The following THSD7B variants were observed in gnomAD, a reference collection of about 807,000 sequenced individuals.
THSD7B encodes the protein thrombospondin type 1 domain containing 7B.
A neutral mutation model predicts 213.6 loss-of-function variants in THSD7B; 138 were observed. The observed-to-expected ratio is 0.65, with a 90% CI of 0.56 to 0.74. The LOEUF is 0.74. Ranked by LOEUF, THSD7B falls within the 30% of genes least tolerant of loss-of-function variation. THSD7B has a pLI of 0.00. For missense variants in THSD7B, 1,931 were observed against 1,991.5 expected, an observed-to-expected ratio of 0.97 and a Z score of 0.58; for synonymous variants, 742 against 687.0, an observed-to-expected ratio of 1.08 and a Z score of -1.25.
At chr2:136,950,607 C>T (rs575883637) in intron 2 of THSD7B, among the ~76,000 whole-genome samples, 11 of 152,070 alleles carry the variant, frequency 7.2e-5, no homozygotes, top group Admixed American at 4.6e-4. Flanking sequence ...GGTAAATTTA[C>T]GCTTAATAAT....
chr2:137,246,995 T>C (rs990923049), intron 10 of THSD7B, among the ~76,000 whole-genome samples: 1 of 152,210 alleles, frequency 6.6e-6, no homozygotes, highest in Non-Finnish European at 1.5e-5. Flanking sequence ...AGGTGACTTA[T>C]AAGCAGTGAA....
chr2:137,343,172 T>C (rs1684801483), intron 12 of THSD7B, among the ~76,000 whole-genome samples: 1 of 151,660 alleles, frequency 6.6e-6, no homozygotes, highest in African/African-American at 2.4e-5. Context: ...GTTTTTGTTT[T>C]TGTTTTTGTT....
intron 15 of THSD7B, among the ~76,000 whole-genome samples, chr2:137,539,702 CT>C (rs1573694117): frequency 6.6e-6 from 1 of 151,736 alleles, no homozygotes; most frequent in Non-Finnish European, 1.5e-5. Flanking sequence ...CCTATAGAAA[CT>C]TTTTTTCTCT....
chr2:137,562,570 G>A (rs1018726112), intron 15 of THSD7B, among the ~76,000 whole-genome samples: 12 of 150,596 alleles, frequency 8.0e-5, no homozygotes, highest in African/African-American at 2.9e-4. Context: ...TGCAGAGCCA[G>A]TAACAGTTTA....
chr2:137,025,446 G>A (rs1686532709), intron 2 of THSD7B, among the ~76,000 whole-genome samples: 1 of 152,102 alleles, frequency 6.6e-6, no homozygotes, highest in South Asian at 2.1e-4. Context: ...TCACTGTTTG[G>A]AATCTTATGT....
Position 137,513,095 on chromosome 2 carries a change from A to G in THSD7B, c.3139-50126A>G, listed in dbSNP as rs559660541. 9.2e-5 allele frequency among the ~76,000 whole-genome samples: 14 copies of G among 152,334 alleles called. 1 individual carries two copies. The South Asian group carries it at 2.7e-3, about 29-fold the overall frequency. ...TTTCCTAGTGTCTTCCTCAAACTTT[A>G]TCGCATTAAATAACTCAGGTTCTCT... On this transcript the variant is annotated intron_variant, in intron 15 of 27. Transcript: ENST00000409968.
intron 3 of THSD7B, among the ~76,000 whole-genome samples, chr2:137,091,520 TATTCATTC>T (rs141548086): frequency 6.6e-6 from 1 of 151,728 alleles, no homozygotes; most frequent in African/African-American, 2.4e-5. Flanking sequence ...TATTTTATTT[TATTCATTC>T]ATTCATTCAT....
At chr2:137,463,152 G>T (rs1477785822) in intron 15 of THSD7B, among the ~76,000 whole-genome samples, 14 of 152,048 alleles carry the variant, frequency 9.2e-5, no homozygotes, top group Admixed American at 9.2e-4. Flanking sequence ...AATCATGTTC[G>T]ATTGTCATGT....
chr2:136,994,363 G>A (rs1260191423), intron 2 of THSD7B, among the ~76,000 whole-genome samples: 1 of 152,064 alleles, frequency 6.6e-6, no homozygotes, highest in Non-Finnish European at 1.5e-5. Context: ...TTAGGAGATC[G>A]AGACCATCCT....
intron 1 of THSD7B, among the ~76,000 whole-genome samples, chr2:136,779,645 G>C (rs1490359154): frequency 6.6e-6 from 1 of 152,156 alleles, no homozygotes; most frequent in South Asian, 2.1e-4. Flanking sequence ...GTTCCTTAGG[G>C]AACTTGGAGT....
At chr2:136,913,936 C>T (rs528651258) in intron 2 of THSD7B, among the ~76,000 whole-genome samples, 7 of 152,264 alleles carry the variant, frequency 4.6e-5, no homozygotes, top group East Asian at 3.9e-4. Context: ...GAGAAGAGGG[C>T]CACCATCCTC....
chr2:136,912,544 T>C (rs1684280428), intron 2 of THSD7B, among the ~76,000 whole-genome samples: 1 of 152,040 alleles, frequency 6.6e-6, no homozygotes, highest in South Asian at 2.1e-4. Context: ...TATTAATTGT[T>C]ATGGTTTAGC....
chr2:136,880,439 C>T (rs574732658), intron 1 of THSD7B, among the ~76,000 whole-genome samples: 23 of 152,142 alleles, frequency 1.5e-4, no homozygotes, highest in African/African-American at 3.9e-4. Flanking sequence ...ACATATATTG[C>T]GGTAAGTTAT....
intron 26 of THSD7B, among the ~76,000 whole-genome samples, chr2:137,663,890 C>T (rs941702489): frequency 1.3e-5 from 2 of 152,146 alleles, no homozygotes; most frequent in African/African-American, 2.4e-5. Context: ...TTCACTCTGT[C>T]GCCCAGGCTG....
rs144210531 is a variant in THSD7B, at chr2:136,936,724, C to A, written c.139+54407C>A. On this transcript the variant is annotated intron_variant, in intron 2 of 27. Transcript: ENST00000409968. ...GACTACAAGTAGGGTACAGTGTATACTGCATGGATGATGGATGCACCAAAA... is the reference window on the plus strand; with the variant it reads ...GACTACAAGTAGGGTACAGTGTATAATGCATGGATGATGGATGCACCAAAA... Among the ~76,000 whole-genome samples, 265 of 152,226 alleles carry A rather than the reference C, an allele frequency of 1.7e-3. 4 individuals carry two copies. The East Asian group carries it at 0.046, about 26-fold the overall frequency.
intron 24 of THSD7B, among the ~76,000 whole-genome samples, chr2:137,659,253 C>T (rs16839254): frequency 2.6e-5 from 4 of 152,222 alleles, no homozygotes; most frequent in African/African-American, 4.8e-5. Flanking sequence ...TTGTTGAAAT[C>T]GGCCTAGTGC....
At chr2:137,502,568 T>C (rs1327041727) in intron 15 of THSD7B, among the ~76,000 whole-genome samples, 1 of 152,186 alleles carries the variant, frequency 6.6e-6, no homozygotes, top group Non-Finnish European at 1.5e-5. Context: ...AGAATCAAGC[T>C]ATCTTTACTG....
intron 2 of THSD7B, among the ~76,000 whole-genome samples, chr2:136,914,008 A>G (rs1573707275): frequency 6.6e-6 from 1 of 152,134 alleles, no homozygotes; most frequent in African/African-American, 2.4e-5. Flanking sequence ...AGCCACAGAC[A>G]CTCAACACCA....
chr2:137,370,717 C>A (rs975099754), intron 12 of THSD7B, among the ~76,000 whole-genome samples: 1 of 152,080 alleles, frequency 6.6e-6, no homozygotes, highest in African/African-American at 2.4e-5. Flanking sequence ...GATCCACCTG[C>A]CTAGGCCTCC....
Sources: allele counts gnomAD v4.1 joint callset (sites outside exome capture counted in the v4.1 genomes callset), GRCh38; gene constraint gnomAD v4.1.1; transcripts MANE v1.5; gene names NCBI Gene and HGNC (gene_info 2026-07-23, HGNC 2026-07-21).